The following ASIC2 variants were observed in gnomAD, a reference collection of about 807,000 sequenced individuals.
ASIC2 encodes the protein acid-sensing ion channel 2.
Under a neutral mutation model 57.3 loss-of-function variants are expected in ASIC2, and 25 were observed. The ratio of observed to expected loss-of-function variants is 0.44; its 90% CI spans 0.32 to 0.61. The LOEUF is 0.61. ASIC2 is among the 20% of genes least tolerant of loss of function. The pLI, the probability that ASIC2 is intolerant of heterozygous loss-of-function variation, is 0.06. For synonymous variants in ASIC2, 319 were observed against 307.5 expected, an observed-to-expected ratio of 1.04 and a Z score of -0.39; for missense variants, 641 against 738.1, an observed-to-expected ratio of 0.87 and a Z score of 1.52.
At position 33,028,289 on chromosome 17, in the gene ASIC2, G is replaced by A; in HGVS notation, c.1091C>T (p.Thr364Ile). ...GTTGCAGTTTTCCACAATGTAGCGG[G>A]TCTCACAGTCAATCCTACAGGCGGT... ...SITACRIDCE[T>I]RYIVENCNCR... Residue 364 changes from threonine (T) to isoleucine (I), a missense_variant, in exon 4 of 10, where the codon ACC (threonine) becomes ATC (isoleucine). By Grantham distance (89) the Thr-to-Ile change is moderately conservative. This residue lies in a region of ASIC2 where 252 missense variants were observed against 319.8 expected (regional missense o/e 0.79). Coordinates refer to ENST00000225823, the MANE Select transcript of ASIC2 (RefSeq NM_183377.2). 1 of 1,614,178 alleles carries A rather than the reference G, an allele frequency of 6.2e-7. No homozygotes were observed. The highest frequency in any genetic ancestry group is 8.5e-7 in the Non-Finnish European group (1 of 1,180,046).
intron 1 of ASIC2, among the ~76,000 whole-genome samples, chr17:33,326,921 G>A (rs1453064154): frequency 6.6e-6 from 1 of 152,070 alleles, no homozygotes; most frequent in Non-Finnish European, 1.5e-5. Context: ...ACCTTTAAAT[G>A]TTTAACTCAT....
intron 1 of ASIC2, among the ~76,000 whole-genome samples, chr17:33,859,523 A>G (rs1835130471): frequency 6.6e-6 from 1 of 152,226 alleles, no homozygotes; most frequent in South Asian, 2.1e-4. Flanking sequence ...GGAGCAACTG[A>G]CAGAACTTAT....
chr17:33,707,952 C>T (rs556869727), intron 1 of ASIC2, among the ~76,000 whole-genome samples: 7 of 152,134 alleles, frequency 4.6e-5, no homozygotes, highest in Non-Finnish European at 1.0e-4. Flanking sequence ...GACTTCTATT[C>T]CTAATTCCCA....
At chr17:33,815,386 A>G (rs1279766010) in intron 1 of ASIC2, among the ~76,000 whole-genome samples, 2 of 152,060 alleles carry the variant, frequency 1.3e-5, no homozygotes, top group South Asian at 4.2e-4. Context: ...CTGAGTTCCA[A>G]TCCTCCAGCA....
At chr17:33,917,228 T>G (rs1271893592) in intron 1 of ASIC2, among the ~76,000 whole-genome samples, 2 of 152,114 alleles carry the variant, frequency 1.3e-5, no homozygotes, top group African/African-American at 4.8e-5. Context: ...GATTTCAATT[T>G]TGCTTTCCCT....
At chr17:34,138,358 T>C (rs1231379505) in intron 1 of ASIC2, among the ~76,000 whole-genome samples, 1 of 152,200 alleles carries the variant, frequency 6.6e-6, no homozygotes, top group African/African-American at 2.4e-5. Flanking sequence ...TTTAATTAAA[T>C]GAAATCCACA....
chr17:33,633,535 G>A (rs1906246148), intron 1 of ASIC2, among the ~76,000 whole-genome samples: 1 of 152,148 alleles, frequency 6.6e-6, no homozygotes, highest in Admixed American at 6.5e-5. Flanking sequence ...ACATGCCCAG[G>A]GCCTCTCAGT....
At chr17:34,142,766 T>A (rs1207513842) in intron 1 of ASIC2, among the ~76,000 whole-genome samples, 1 of 152,198 alleles carries the variant, frequency 6.6e-6, no homozygotes, top group Non-Finnish European at 1.5e-5. Context: ...ATCTGTTTGC[T>A]ATAAAGTTAT....
intron 1 of ASIC2, among the ~76,000 whole-genome samples, chr17:33,317,883 ATGAGTGTG>A (rs1211860626): frequency 8.8e-6 from 1 of 113,558 alleles, no homozygotes; most frequent in Non-Finnish European, 1.8e-5. Flanking sequence ...ACGTGTGGAG[ATGAGTGTG>A]TGTGTGTGTG....
At chr17:33,240,023 G>A (rs1045165897) in intron 1 of ASIC2, among the ~76,000 whole-genome samples, 15 of 152,198 alleles carry the variant, frequency 9.9e-5, no homozygotes, top group Admixed American at 7.9e-4. Context: ...TAGGATAAAA[G>A]TGAAATCTAA....
intron 1 of ASIC2, among the ~76,000 whole-genome samples, chr17:33,860,996 C>G (rs1184508006): frequency 1.3e-5 from 2 of 152,096 alleles, no homozygotes; most frequent in East Asian, 3.9e-4. Context: ...TTTGCACTGT[C>G]CTTTTGGAAA....
chr17:33,693,671 A>G (rs1908440431), intron 1 of ASIC2, among the ~76,000 whole-genome samples: 1 of 152,206 alleles, frequency 6.6e-6, no homozygotes, highest in Admixed American at 6.5e-5. Context: ...GTGTCAAAGG[A>G]AAGGAAGCGA....
At chr17:34,132,148 G>C (rs764900243) in intron 1 of ASIC2, among the ~76,000 whole-genome samples, 31 of 152,198 alleles carry the variant, frequency 2.0e-4, no homozygotes, top group Non-Finnish European at 3.5e-4. Context: ...ACCAGAGTAT[G>C]GCTTCAGAAA....
intron 3 of ASIC2, among the ~76,000 whole-genome samples, chr17:33,079,772 A>G (rs2092105238): frequency 6.6e-6 from 1 of 152,096 alleles, no homozygotes; most frequent in Non-Finnish European, 1.5e-5. Flanking sequence ...TTCTATGGGT[A>G]TTACATGTAT....
chr17:33,775,563 T>C (rs756500211), intron 1 of ASIC2, among the ~76,000 whole-genome samples: 3 of 152,200 alleles, frequency 2.0e-5, no homozygotes, highest in African/African-American at 7.2e-5. Flanking sequence ...GTTAAGCAGG[T>C]ATCTACAGCA....
intron 1 of ASIC2, among the ~76,000 whole-genome samples, chr17:33,139,218 G>C (rs542262689): frequency 2.6e-5 from 4 of 152,230 alleles, no homozygotes; most frequent in African/African-American, 7.2e-5. Context: ...TAGTTTATAT[G>C]CTGGGGACAG....
chr17:33,749,310 T>C (rs1026415045), intron 1 of ASIC2, among the ~76,000 whole-genome samples: 3 of 151,184 alleles, frequency 2.0e-5, no homozygotes, highest in Non-Finnish European at 4.4e-5. Context: ...CAAGACCCCA[T>C]CTTTGCTTGG....
At chr17:33,170,623 A>G (rs982050552) in intron 1 of ASIC2, among the ~76,000 whole-genome samples, 6 of 152,200 alleles carry the variant, frequency 3.9e-5, no homozygotes, top group African/African-American at 1.4e-4. Flanking sequence ...GTAAATACCA[A>G]GAAGCCCTGT....
chr17:33,804,994 A>G (rs1013999923), intron 1 of ASIC2, among the ~76,000 whole-genome samples: 1 of 152,052 alleles, frequency 6.6e-6, no homozygotes, highest in Non-Finnish European at 1.5e-5. Context: ...TGGTATCCTT[A>G]AAACTCCCTG....
Sources: allele counts gnomAD v4.1 joint callset (sites outside exome capture counted in the v4.1 genomes callset), GRCh38; gene constraint gnomAD v4.1.1; regional missense constraint gnomAD v4.1.1; transcripts MANE v1.5; gene names NCBI Gene and HGNC (gene_info 2026-07-23, HGNC 2026-07-21).